Variants in CYP19A1 observed in about 807,000 individuals in gnomAD.
CYP19A1 encodes the protein aromatase.
A neutral mutation model predicts 44.4 loss-of-function variants in CYP19A1; 32 were observed. The ratio of observed to expected loss-of-function variants is 0.72; its 90% CI spans 0.54 to 0.97. The LOEUF is 0.97. Ranked by LOEUF, CYP19A1 falls within the 50% of genes least tolerant of loss-of-function variation. The pLI, the probability that CYP19A1 is intolerant of heterozygous loss-of-function variation, is 0.00. For missense variants in CYP19A1, 598 were observed against 637.8 expected, an observed-to-expected ratio of 0.94 and a Z score of 0.67; for synonymous variants, 212 against 215.6, an observed-to-expected ratio of 0.98 and a Z score of 0.14.
intron 5 of CYP19A1, chr15:51,221,629 T>C (rs1001563214): frequency 1.1e-4 from 16 of 152,210 alleles, no homozygotes; most frequent in Admixed American, 1.0e-3. Context: ...GTACTCAAGT[T>C]GCAAATTGGT....
At chr15:51,228,513 G>T (rs2032777403) in intron 3 of CYP19A1, among the ~76,000 whole-genome samples, 1 of 152,228 alleles carries the variant, frequency 6.6e-6, no homozygotes, top group African/African-American at 2.4e-5. Flanking sequence ...ATCTCCTTGG[G>T]CACTTCTTCT....
At chr15:51,296,181 G>A (rs2035991934) in intron 1 of CYP19A1, among the ~76,000 whole-genome samples, 7 of 152,078 alleles carry the variant, frequency 4.6e-5, no homozygotes, top group Non-Finnish European at 8.8e-5. Flanking sequence ...TTGGGGGCCA[G>A]GGAAGGGGAC....
intron 1 of CYP19A1, among the ~76,000 whole-genome samples, chr15:51,319,682 T>G (rs990347984): frequency 6.6e-6 from 1 of 152,234 alleles, no homozygotes; most frequent in African/African-American, 2.4e-5. Flanking sequence ...TTTGGGCTTA[T>G]GCATCCTTCT....
At chr15:51,264,463 G>A (rs2034843773) in intron 1 of CYP19A1, among the ~76,000 whole-genome samples, 1 of 151,780 alleles carries the variant, frequency 6.6e-6, no homozygotes, top group Admixed American at 6.6e-5. Context: ...AGTGTGAAGT[G>A]AACCTTACAG....
At chr15:51,257,066 T>C (rs920257801) in intron 1 of CYP19A1, among the ~76,000 whole-genome samples, 1 of 152,202 alleles carries the variant, frequency 6.6e-6, no homozygotes, top group African/African-American at 2.4e-5. Flanking sequence ...TACATGTGAG[T>C]GGCAAGGGTG....
At chr15:51,280,241 G>A (rs907320743) in intron 1 of CYP19A1, among the ~76,000 whole-genome samples, 5 of 151,068 alleles carry the variant, frequency 3.3e-5, no homozygotes, top group Non-Finnish European at 4.4e-5. Flanking sequence ...GACTACAGGC[G>A]CCCGCCACCA....
chr15:51,333,767 G>A (rs1566929259), intron 1 of CYP19A1, among the ~76,000 whole-genome samples: 1 of 152,146 alleles, frequency 6.6e-6, no homozygotes. Flanking sequence ...CAGATGGGGT[G>A]TCATCTTCTC....
At chr15:51,211,513 A>G in intron 9 of CYP19A1, 1 of 332,794 alleles carries the variant, frequency 3.0e-6, no homozygotes. Flanking sequence ...AAAATTAATG[A>G]GGACCACAGC....
intron 1 of CYP19A1, among the ~76,000 whole-genome samples, chr15:51,281,149 T>C (rs1437334403): frequency 1.3e-5 from 2 of 152,164 alleles, no homozygotes; most frequent in African/African-American, 4.8e-5. Flanking sequence ...ACAACATTTC[T>C]AGAAATGCTC....
chr15:51,322,755 T>C (rs1244914651), intron 1 of CYP19A1, among the ~76,000 whole-genome samples: 1 of 152,198 alleles, frequency 6.6e-6, no homozygotes, highest in Admixed American at 6.5e-5. Context: ...CTGGGTGGCA[T>C]TGGGCCAGCC....
intron 1 of CYP19A1, among the ~76,000 whole-genome samples, chr15:51,250,208 A>G (rs2034251948): frequency 6.6e-6 from 1 of 152,224 alleles, no homozygotes; most frequent in South Asian, 2.1e-4. Flanking sequence ...ACCTGCTGCT[A>G]AAACCCACAT....
chr15:51,322,723 A>T (rs919877376), intron 1 of CYP19A1, among the ~76,000 whole-genome samples: 1 of 152,036 alleles, frequency 6.6e-6, no homozygotes, highest in African/African-American at 2.4e-5. Context: ...AACTGTAACA[A>T]TCTTGAGGGA....
chr15:51,247,665 G>C (rs2034124344), intron 1 of CYP19A1, among the ~76,000 whole-genome samples: 1 of 152,062 alleles, frequency 6.6e-6, no homozygotes, highest in Non-Finnish European at 1.5e-5. Context: ...AGGGAGGATA[G>C]GGTTTCACCA....
chr15:51,299,906 C>T (rs533592624), intron 1 of CYP19A1, among the ~76,000 whole-genome samples: 12 of 152,256 alleles, frequency 7.9e-5, no homozygotes, highest in South Asian at 4.1e-4. Flanking sequence ...ACAGAGGAGG[C>T]GACATTTGAG....
chr15:51,265,029 C>T (rs1232538590), intron 1 of CYP19A1, among the ~76,000 whole-genome samples: 3 of 152,230 alleles, frequency 2.0e-5, no homozygotes, highest in African/African-American at 7.2e-5. Context: ...GAGCCAATTA[C>T]ACTTTCTTAT....
intron 1 of CYP19A1, among the ~76,000 whole-genome samples, chr15:51,334,771 C>T (rs757219644): frequency 4.6e-5 from 7 of 152,176 alleles, no homozygotes; most frequent in Non-Finnish European, 1.0e-4. Context: ...ACCTGAGGGT[C>T]CCCCTTCAAG....
chr15:51,290,767 T>C (rs1406167125), intron 1 of CYP19A1, among the ~76,000 whole-genome samples: 3 of 152,342 alleles, frequency 2.0e-5, no homozygotes, highest in East Asian at 3.9e-4. Flanking sequence ...GTCATGTTGC[T>C]CTATACATAG....
At chr15:51,297,817 GACACACACACACACACACACACACACAC>G (rs1159870053) in intron 1 of CYP19A1, among the ~76,000 whole-genome samples, 2 of 111,744 alleles carry the variant, frequency 1.8e-5, no homozygotes, top group Non-Finnish European at 3.6e-5. Flanking sequence ...CTGTAGGCAT[GACACACACACACACACACACACACACAC>G]ACACACACAC....
At position 51,283,729 on chromosome 15, in the gene CYP19A1, C is replaced by T. The variant is rs1281542387; in HGVS notation, c.-38-40779G>A. On this transcript the variant is annotated intron_variant, in intron 1 of 9. Transcript: ENST00000396402. ...GCCCCCATTGTAAAAAAGGCAATCA[C>T]TGGGCAAATCAGTGTCGTTCTAAAG... Among the ~76,000 whole-genome samples, 7 of 152,222 alleles carry T rather than the reference C, an allele frequency of 4.6e-5. No homozygotes were observed. The East Asian group carries it at 1.3e-3, about 29-fold the overall frequency.
Sources: allele counts gnomAD v4.1 joint callset (sites outside exome capture counted in the v4.1 genomes callset), GRCh38; gene constraint gnomAD v4.1.1; transcripts MANE v1.5; gene names NCBI Gene and HGNC (gene_info 2026-07-23, HGNC 2026-07-21).